MEGF11: variants seen among roughly 807,000 people sequenced by gnomAD.
MEGF11 encodes the protein multiple EGF like domains 11.
MEGF11 carries 126 observed loss-of-function variants against 146.6 expected under a neutral mutation model. The ratio of observed to expected loss-of-function variants is 0.86; its 90% CI spans 0.74 to 1.00. The LOEUF (loss-of-function observed/expected upper bound fraction) is 1.00, where lower values mean the gene tolerates loss of function less well. Among genes scored for constraint, MEGF11 ranks in the 50% least tolerant of loss-of-function variants. The probability of loss-of-function intolerance (pLI) is 0.00; values close to 1 mark genes in which losing one functional copy is unlikely to be tolerated. For missense variants in MEGF11, 1,509 were observed against 1,521.2 expected, an observed-to-expected ratio of 0.99 and a Z score of 0.13; for synonymous variants, 532 against 583.4, an observed-to-expected ratio of 0.91 and a Z score of 1.27.
chr15:66,069,077 C>T (rs1174409316), intron 5 of MEGF11, among the ~76,000 whole-genome samples: 1 of 152,202 alleles, frequency 6.6e-6, no homozygotes, highest in Admixed American at 6.5e-5. Context: ...TCAGCCTCAG[C>T]TTCTGCATCT....
chr15:66,022,762 G>C (rs536257524), intron 5 of MEGF11, among the ~76,000 whole-genome samples: 103 of 151,978 alleles, frequency 6.8e-4, no homozygotes, highest in African/African-American at 2.4e-3. Context: ...CCTGGGGTTG[G>C]GGGTGGAGGG....
Position 65,912,087 on chromosome 15 carries a change from T to C in MEGF11, c.2824A>G (p.Thr942Ala), listed in dbSNP as rs2078830501. 1 of 1,231,604 alleles carries C rather than the reference T, an allele frequency of 8.1e-7. No individual in the cohort carries two copies. Among genetic ancestry groups the C allele is most frequent in the Non-Finnish European group, 1.0e-6 (1 of 987,596 alleles). The allele number at this position is 1,231,604 out of a possible 1,614,324, so 76.3% of individuals were successfully genotyped here. A position where few individuals can be genotyped will look rare whatever the true frequency, so the allele number is the denominator to read the frequency against. ...QASTLDRNSP[T>A]KLSNKSLDRD... ...GGGAATCAGGGGCCCGGTACCTTGG[T>C]GGGGCTGTTCCTGTCCAGAGTGCTG... Residue 942 changes from threonine to alanine, a missense_variant, in exon 21 of 26, where the codon ACC becomes GCC. By Grantham distance (58) the Thr-to-Ala change is moderately conservative. Transcript: ENST00000395614.
rs760633201 is a variant in MEGF11 at position 65,897,977 on chromosome 15, CT to C, written c.3379del (p.Arg1127AspfsTer27). On this transcript the variant is annotated frameshift_variant, in exon 26 of 26. Coordinates refer to ENST00000395614, the MANE Select transcript of MEGF11 (RefSeq NM_001385028.1). LOFTEE classifies it high-confidence loss of function. ...GGACGGCCCATTGGCAGGGCTCTGTCTTACTGGGAGGAGGTCATAATGACCA... is the reference window on the plus strand; with the variant it reads ...GGACGGCCCATTGGCAGGGCTCTGTCTACTGGGAGGAGGTCATAATGACCA... ...IPGHYDLLPV[R>X]QSPANGPSQD... is the part of the protein sequence containing the mutation. 3.7e-6 allele frequency: 6 copies of C among 1,614,002 alleles called. No individual in the cohort carries two copies. Among genetic ancestry groups the C allele is most frequent in the Non-Finnish European group, 5.1e-6 (6 of 1,179,860 alleles).
intron 10 of MEGF11, among the ~76,000 whole-genome samples, chr15:65,941,748 A>G (rs1202115149): frequency 2.0e-5 from 3 of 152,244 alleles, no homozygotes; most frequent in African/African-American, 7.2e-5. Context: ...CTTTACTAGG[A>G]GACCCAAAAT....
chr15:65,927,288 C>G (rs553797369), intron 13 of MEGF11, among the ~76,000 whole-genome samples: 1 of 152,176 alleles, frequency 6.6e-6, no homozygotes, highest in Non-Finnish European at 1.5e-5. Flanking sequence ...ATGGAGAGTT[C>G]AGGCCCTGAG....
Position 65,922,417 on chromosome 15 carries a change from C to A in MEGF11, c.1878G>T (p.Val626=). The change falls in exon 15 of 26, where the codon GTG becomes GTT. Residue 626 remains valine, a synonymous_variant. Transcript: ENST00000395614. ...HGCAQPCPLC[V]HSSRPCHHIS... is the part of the protein sequence containing the mutation. ...TGTGGTGGCAGGGCCTGCTGCTGTG[C>A]ACGCAGAGGGGGCATGGCTGGGCGC... The A allele has an allele frequency of 6.3e-7, 1 of 1,592,986 alleles. No individual in the cohort carries two copies. The highest frequency in any genetic ancestry group is 8.5e-7 in the Non-Finnish European group (1 of 1,170,378).
rs551635923 is a variant in MEGF11 at position 66,152,811 on chromosome 15, A to G, written c.-8-24400T>C. 6.4e-4 allele frequency among the ~76,000 whole-genome samples: 98 copies of G among 152,326 alleles called. 1 individual carries two copies. Among genetic ancestry groups the G allele is most frequent in the East Asian group, 3.9e-4 (2 of 5,178 alleles). Reference sequence around the variant, plus strand: ...ACGCTTCCTGAGGCCAGCCTGCCCAATTGGCAGTGGTGACCCAGAGCCCAG... The same window carrying G: ...ACGCTTCCTGAGGCCAGCCTGCCCAGTTGGCAGTGGTGACCCAGAGCCCAG... On this transcript the variant is annotated intron_variant, in intron 1 of 25. Coordinates refer to ENST00000395614, the MANE Select transcript of MEGF11 (RefSeq NM_001385028.1).
chr15:66,228,096 G>A (rs956907634), intron 1 of MEGF11, among the ~76,000 whole-genome samples: 1 of 152,168 alleles, frequency 6.6e-6, no homozygotes, highest in Non-Finnish European at 1.5e-5. Flanking sequence ...AAATGAGGGG[G>A]TGGAAAGGTC....
chr15:66,100,338 G>A (rs2086738074), intron 4 of MEGF11, among the ~76,000 whole-genome samples: 1 of 152,164 alleles, frequency 6.6e-6, no homozygotes, highest in Non-Finnish European at 1.5e-5. Context: ...GCAGGGGCCT[G>A]GAGTGCCGCA....
chr15:66,135,430 C>A (rs995223700), intron 1 of MEGF11, among the ~76,000 whole-genome samples: 1 of 152,160 alleles, frequency 6.6e-6, no homozygotes, highest in African/African-American at 2.4e-5. Flanking sequence ...AAGACTCAGG[C>A]GGGGCCCTGC....
At chr15:66,041,604 G>A (rs1276932251) in intron 5 of MEGF11, among the ~76,000 whole-genome samples, 2 of 152,236 alleles carry the variant, frequency 1.3e-5, no homozygotes, top group African/African-American at 4.8e-5. Flanking sequence ...ATGAATCACA[G>A]CAGGCCATTT....
At chr15:66,075,684 G>A (rs1038692220) in intron 5 of MEGF11, among the ~76,000 whole-genome samples, 3 of 152,168 alleles carry the variant, frequency 2.0e-5, no homozygotes, top group Non-Finnish European at 4.4e-5. Context: ...CTGATGGCTC[G>A]GAGAAAAGGT....
intron 1 of MEGF11, among the ~76,000 whole-genome samples, chr15:66,192,582 C>T (rs2090912019): frequency 6.6e-6 from 1 of 151,982 alleles, no homozygotes; most frequent in Admixed American, 6.5e-5. Flanking sequence ...CCCCAATTTA[C>T]CAATGAGAAA....
intron 21 of MEGF11, among the ~76,000 whole-genome samples, chr15:65,911,505 G>A (rs1164622482): frequency 1.3e-5 from 2 of 152,168 alleles, no homozygotes; most frequent in Non-Finnish European, 2.9e-5. Flanking sequence ...TCCACCTCCT[G>A]GGTTCAAGCG....
chr15:66,109,059 G>A (rs1242509286), intron 4 of MEGF11, among the ~76,000 whole-genome samples: 1 of 152,166 alleles, frequency 6.6e-6, no homozygotes, highest in Non-Finnish European at 1.5e-5. Context: ...TCAGCACGAG[G>A]GGCCCTGCTG....
intron 5 of MEGF11, among the ~76,000 whole-genome samples, chr15:66,081,926 A>G (rs558044764): frequency 6.6e-6 from 1 of 152,296 alleles, no homozygotes; most frequent in Non-Finnish European, 1.5e-5. Context: ...ACTGATCTAA[A>G]GAAGAGACAT....
intron 7 of MEGF11, chr15:65,971,378 G>A (rs1302907136): frequency 6.6e-6 from 1 of 152,588 alleles, no homozygotes. Flanking sequence ...GTGCAGGTAT[G>A]ATCAAAACAG....
rs768639564 is a variant in MEGF11 at position 65,918,016 on chromosome 15, T to G, written c.2036A>C (p.Asp679Ala). Residue 679 changes from aspartate to alanine, a missense_variant, in exon 16 of 26, where the codon GAT (aspartate) becomes GCT (alanine). By Grantham distance (126) the Asp-to-Ala change is moderately radical. Coordinates refer to ENST00000395614, the MANE Select transcript of MEGF11 (RefSeq NM_001385028.1). The part of the protein sequence containing the change: ...CANNGTCSPI[D>A]GSCQCFPGWI... The stretch of plus-strand genomic sequence containing the variant: ...TCCAGGAAAGCACTGGCAGGAGCCA[T>G]CGATAGGGCTGCAGGTCCCGTTGTT... The G allele has an allele frequency of 6.2e-7, 1 of 1,613,998 alleles. No individual in the cohort carries two copies. Among genetic ancestry groups the G allele is most frequent in the Non-Finnish European group, 8.5e-7 (1 of 1,179,888 alleles).
In MEGF11 at chr15:66,059,055, AC is replaced by A. The variant is rs2084794943; in HGVS notation, c.394+35346del. ...GAGTAGGTCAGGGCCCCGTCATCAAACCCCAGTGACTGTTGAATATTTGGAA... is the reference window on the plus strand; with the variant it reads ...GAGTAGGTCAGGGCCCCGTCATCAAACCCAGTGACTGTTGAATATTTGGAA... On this transcript the variant is annotated intron_variant, in intron 5 of 25. Coordinates refer to ENST00000395614, the MANE Select transcript of MEGF11 (RefSeq NM_001385028.1). Among the ~76,000 whole-genome samples, 5 of 151,914 alleles carry A rather than the reference AC, an allele frequency of 3.3e-5. No homozygotes were observed. In the South Asian group the frequency reaches 1.0e-3, roughly 32 times the overall value.
Sources: gnomAD v4.1 joint callset for allele counts (sites outside exome capture counted in the v4.1 genomes callset) on GRCh38, gnomAD v4.1.1 for gene constraint, MANE v1.5 for transcripts, NCBI Gene and HGNC (gene_info 2026-07-23, HGNC 2026-07-21) for gene names.